The following SPOCK3 variants were observed in gnomAD, a reference collection of about 807,000 sequenced individuals.
SPOCK3 encodes the protein testican-3.
In SPOCK3, 30 loss-of-function variants were observed where a neutral mutation model predicts 56.6. That is an observed-to-expected ratio of 0.53 (90% CI 0.40 to 0.72). The LOEUF (loss-of-function observed/expected upper bound fraction) is 0.72. Ranked by LOEUF, SPOCK3 falls within the 30% of genes least tolerant of loss-of-function variation. The probability of loss-of-function intolerance (pLI) is 0.00; values close to 1 mark genes in which losing one functional copy is unlikely to be tolerated. For synonymous variants in SPOCK3, 196 were observed against 183.3 expected (o/e 1.07, Z -0.56); for missense variants, 527 against 530.0 (o/e 0.99, Z 0.06).
In SPOCK3 at chr4:166,879,091, C is replaced by T. The variant is rs748477454; in HGVS notation, c.589+10039G>A. ...AAAAGTGACAAACCTGGGGTAAAAT[C>T]AGCCTGTTAATTAAAAAAAATATAT... On this transcript the variant is annotated intron_variant, in intron 6 of 10. Transcript: ENST00000357545. Among the ~76,000 whole-genome samples the T allele has an allele frequency of 6.6e-5, 10 of 152,064 alleles. 1 individual carries two copies. The highest frequency in any genetic ancestry group is 1.2e-4 in the Non-Finnish European group (8 of 67,996).
chr4:167,116,662 G>A (rs1287477106), intron 2 of SPOCK3, among the ~76,000 whole-genome samples: 1 of 62,940 alleles, frequency 1.6e-5, no homozygotes, highest in Non-Finnish European at 2.7e-5. Flanking sequence ...ACATATATAC[G>A]TATATAGTAT....
At chr4:167,141,604 T>G (rs1287099830) in intron 2 of SPOCK3, among the ~76,000 whole-genome samples, 1 of 152,004 alleles carries the variant, frequency 6.6e-6, no homozygotes, top group Non-Finnish European at 1.5e-5. Context: ...TGCTTGTCCA[T>G]CTGTCTTTGC....
chr4:167,069,394 C>T, intron 2 of SPOCK3, among the ~76,000 whole-genome samples: 1 of 151,898 alleles, frequency 6.6e-6, no homozygotes, highest in Non-Finnish European at 1.5e-5. Flanking sequence ...CAAAACTCAG[C>T]ATCCATTTTA....
At chr4:166,893,639 A>G (rs999826365) in intron 5 of SPOCK3, among the ~76,000 whole-genome samples, 3 of 152,160 alleles carry the variant, frequency 2.0e-5, no homozygotes, top group African/African-American at 7.2e-5. Flanking sequence ...CTAATGTAGA[A>G]CAAGTATGTA....
intron 7 of SPOCK3, among the ~76,000 whole-genome samples, chr4:166,763,579 C>T (rs1737536824): frequency 6.6e-6 from 1 of 151,878 alleles, no homozygotes. Flanking sequence ...GAGCAAAAAC[C>T]ATAACAAAGT....
At chr4:167,231,679 A>G (rs1737194892) in intron 2 of SPOCK3, among the ~76,000 whole-genome samples, 1 of 152,152 alleles carries the variant, frequency 6.6e-6, no homozygotes, top group Non-Finnish European at 1.5e-5. Context: ...AAGGGAAAGA[A>G]TATACATAAA....
At chr4:166,788,299 C>A (rs1272562970) in intron 7 of SPOCK3, among the ~76,000 whole-genome samples, 1 of 151,838 alleles carries the variant, frequency 6.6e-6, no homozygotes, top group Non-Finnish European at 1.5e-5. Flanking sequence ...TCAATAAAGC[C>A]AACTTAAAAA....
At chr4:166,795,853 C>T (rs1355191762) in intron 6 of SPOCK3, among the ~76,000 whole-genome samples, 1 of 152,126 alleles carries the variant, frequency 6.6e-6, no homozygotes, top group Non-Finnish European at 1.5e-5. Flanking sequence ...CTCATTCCCA[C>T]ACACTGTACT....
At chr4:166,750,863 T>C (rs753258238) in intron 8 of SPOCK3, among the ~76,000 whole-genome samples, 2 of 152,206 alleles carry the variant, frequency 1.3e-5, no homozygotes, top group African/African-American at 4.8e-5. Context: ...AGCTGTCAAA[T>C]ATATATGGAT....
intron 6 of SPOCK3, among the ~76,000 whole-genome samples, chr4:166,817,569 T>C (rs1744499190): frequency 6.6e-6 from 1 of 152,044 alleles, no homozygotes; most frequent in South Asian, 2.1e-4. Context: ...TTTTGTTTCA[T>C]GCAAACACAA....
chr4:167,019,021 T>TA (rs775787395), intron 3 of SPOCK3, among the ~76,000 whole-genome samples: 1 of 152,022 alleles, frequency 6.6e-6, no homozygotes, highest in Non-Finnish European at 1.5e-5. Context: ...TTTGAAACGA[T>TA]AAAAAATCAG....
intron 2 of SPOCK3, among the ~76,000 whole-genome samples, chr4:167,190,934 T>G (rs1732421521): frequency 6.9e-6 from 1 of 145,622 alleles, no homozygotes. Context: ...TACCATTAAG[T>G]GCATTAATTG....
At chr4:166,829,677 T>C (rs1413581301) in intron 6 of SPOCK3, among the ~76,000 whole-genome samples, 5 of 152,072 alleles carry the variant, frequency 3.3e-5, no homozygotes, top group African/African-American at 7.2e-5. Context: ...CAAATTTAAA[T>C]TGCTTAAACA....
chr4:166,814,201 G>A (rs912547937), intron 6 of SPOCK3, among the ~76,000 whole-genome samples: 6 of 152,016 alleles, frequency 3.9e-5, no homozygotes, highest in African/African-American at 7.2e-5. Context: ...GTGAGAAATC[G>A]TTAGGCATCC....
At chr4:167,079,335 T>C (rs773535266) in intron 2 of SPOCK3, among the ~76,000 whole-genome samples, 3 of 151,982 alleles carry the variant, frequency 2.0e-5, no homozygotes, top group Non-Finnish European at 2.9e-5. Context: ...GAACAACCTA[T>C]ATCCCTTGAT....
At chr4:166,887,281 C>A (rs11132570) in intron 6 of SPOCK3, among the ~76,000 whole-genome samples, 96,928 of 151,896 alleles carry the variant, frequency 0.64, 31,074 homozygotes, top group East Asian at 0.76. Flanking sequence ...AGCGGGAAAT[C>A]TCATTGAAGT....
chr4:167,009,112 CAAT>C (rs1554018788), intron 3 of SPOCK3, among the ~76,000 whole-genome samples: 3 of 152,050 alleles, frequency 2.0e-5, no homozygotes, highest in South Asian at 4.1e-4. Flanking sequence ...ATTTATCCTT[CAAT>C]AATGTCTGTC....
At chr4:167,234,319 C>T (rs981459401) in intron 1 of SPOCK3, 131 bp downstream of exon 1, 3 of 766,846 alleles carry the variant, frequency 3.9e-6, no homozygotes, top group African/African-American at 3.5e-5. Context: ...GTGTCCCCTC[C>T]CCGCAGGCTT....
At chr4:166,751,465 T>C (rs2126473218) in intron 8 of SPOCK3, among the ~76,000 whole-genome samples, 1 of 152,310 alleles carries the variant, frequency 6.6e-6, no homozygotes, top group African/African-American at 2.4e-5. Flanking sequence ...TACTTTGTTA[T>C]TTCTGAAAGT....
Sources: allele counts gnomAD v4.1 joint callset (sites outside exome capture counted in the v4.1 genomes callset), GRCh38; gene constraint gnomAD v4.1.1; transcripts MANE v1.5; gene names NCBI Gene and HGNC (gene_info 2026-07-23, HGNC 2026-07-21).